ANKRD24: variants seen among roughly 807,000 people sequenced by gnomAD.
ANKRD24 encodes the protein ankyrin repeat domain-containing protein 24.
A neutral mutation model predicts 127.8 loss-of-function variants in ANKRD24; 109 were observed. That is an observed-to-expected ratio of 0.85 (90% confidence interval 0.73 to 1.00). ANKRD24 has a LOEUF of 1.00. Ranked by LOEUF, ANKRD24 falls within the 50% of genes least tolerant of loss-of-function variation. ANKRD24 has a pLI of 0.00. For missense variants in ANKRD24, 1,648 were observed against 1,570.2 expected (o/e 1.05, Z -0.84); for synonymous variants, 743 against 671.1 (o/e 1.11, Z -1.66).
chr19:4,194,519 C>T (rs1339918647), intron 2 of ANKRD24, among the ~76,000 whole-genome samples: 4 of 152,084 alleles, frequency 2.6e-5, no homozygotes, highest in Non-Finnish European at 1.5e-5. Flanking sequence ...CTTTTCTCTC[C>T]CCCCTCCAAC....
At chr19:4,219,099 A>G (rs910632229) in intron 18 of ANKRD24, among the ~76,000 whole-genome samples, 4 of 152,076 alleles carry the variant, frequency 2.6e-5, no homozygotes, top group Admixed American at 6.6e-5. Flanking sequence ...CAGCCTGGAC[A>G]ACATCGTGAA....
chr19:4,205,131 G>A (rs767960948), intron 7 of ANKRD24, among the ~76,000 whole-genome samples: 1 of 152,098 alleles, frequency 6.6e-6, no homozygotes, highest in Non-Finnish European at 1.5e-5. Flanking sequence ...CCAGCTACTC[G>A]GGAGGCTGAG....
At chr19:4,184,292 A>C (rs1461673080) in intron 1 of ANKRD24, among the ~76,000 whole-genome samples, 1 of 152,152 alleles carries the variant, frequency 6.6e-6, no homozygotes, top group Admixed American at 6.5e-5. Context: ...AGCTCGGGGC[A>C]CTGGAGCTGC....
intron 18 of ANKRD24, 116 bp from the exon 19 acceptor site, chr19:4,219,475 T>A: frequency 7.9e-7 from 1 of 1,267,398 alleles, no homozygotes; most frequent in Non-Finnish European, 1.1e-6. Context: ...AGCAAGACCC[T>A]GTCTTAAAAA....
Position 4,218,178 on chromosome 19 carries a change from T to G in ANKRD24, c.3003+15T>G. Reference sequence around the variant, plus strand: ...AGGTCTTCCAGGTGAGCAGGGCTGGTCACCACCCGGGCCCCACCCCCATTG... The same window carrying G: ...AGGTCTTCCAGGTGAGCAGGGCTGGGCACCACCCGGGCCCCACCCCCATTG... On this transcript the variant is annotated intron_variant, in intron 18 of 21. Transcript: ENST00000318934. The G allele has an allele frequency of 1.4e-6, 2 of 1,453,290 alleles. No individual in the cohort carries two copies. The highest frequency in any genetic ancestry group is 1.8e-6 in the Non-Finnish European group (2 of 1,100,286). 90.0% of individuals were successfully genotyped at this position (1,453,290 alleles called of 1,614,324 possible). A position where few individuals can be genotyped will look rare whatever the true frequency, so the allele number is the denominator to read the frequency against.
rs1968686366 is a variant in ANKRD24, at chr19:4,195,677, C to T, written c.37-4006C>T. Among the ~76,000 whole-genome samples, 1 of 152,138 alleles carries T rather than the reference C, an allele frequency of 6.6e-6. No individual in the cohort carries two copies. Among genetic ancestry groups the T allele is most frequent in the African/African-American group, 2.4e-5 (1 of 41,446 alleles). ...CTTTGAGAGGCCAAGGCAGGTGGAT[C>T]ACGAGGTCAGAGTTCAAGACCAGCC... On this transcript the variant is annotated intron_variant, in intron 2 of 21. Coordinates refer to ENST00000318934, the MANE Select transcript of ANKRD24 (RefSeq NM_001393985.1). This position sits in a 1 kb window ranked among gnomAD's most constrained non-coding sequence, Gnocchi z 4.2.
At chr19:4,218,194 A>AC in intron 18 of ANKRD24, 31 bp downstream of exon 18, 7 of 1,414,640 alleles carry the variant, frequency 4.9e-6, no homozygotes, top group Non-Finnish European at 6.5e-6. Context: ...CCCGGGCCCC[A>AC]CCCCCATTGG....
Position 4,210,369 on chromosome 19 carries a change from G to A in ANKRD24, c.1056G>A (p.Gln352=). The A allele has an allele frequency of 6.5e-7, 1 of 1,549,612 alleles. No individual in the cohort carries two copies. Among genetic ancestry groups the A allele is most frequent in the Non-Finnish European group, 8.7e-7 (1 of 1,148,112 alleles). Residue 352 remains glutamine (Q), a synonymous_variant, in exon 13 of 22, where the codon CAG becomes CAA. Coordinates refer to ENST00000318934, the MANE Select transcript of ANKRD24 (RefSeq NM_001393985.1). ...AACAGCACAAGGAACGGAGGCAGCAGGAGGTTAGGAGGCCTCGGAGATTTG... is the reference window on the plus strand; with the variant it reads ...AACAGCACAAGGAACGGAGGCAGCAAGAGGTTAGGAGGCCTCGGAGATTTG... ...GLEQHKERRQ[Q]ESPEASSLHI...
chr19:4,188,955 C>T (rs189332266), intron 2 of ANKRD24, among the ~76,000 whole-genome samples: 80 of 152,102 alleles, frequency 5.3e-4, no homozygotes, highest in African/African-American at 1.9e-3. Context: ...CTACAGGCGC[C>T]TGCCACTATG....
chr19:4,195,002 G>A lies in ANKRD24; in HGVS notation c.37-4681G>A, dbSNP rs919231601. Reference sequence around the variant, plus strand: ...GATTTTTTTCAGATGGAGTCTCGCTGTGTCTCCCAGGCTGGAGTGCAGTGG... The same window carrying A: ...GATTTTTTTCAGATGGAGTCTCGCTATGTCTCCCAGGCTGGAGTGCAGTGG... On this transcript the variant is annotated intron_variant, in intron 2 of 21. Transcript: ENST00000318934. This position sits in a 1 kb window ranked among gnomAD's most constrained non-coding sequence, Gnocchi z 4.2. Among the ~76,000 whole-genome samples, 1 of 151,966 alleles carries A rather than the reference G, an allele frequency of 6.6e-6. No homozygotes were observed. The highest frequency in any genetic ancestry group is 1.5e-5 in the Non-Finnish European group (1 of 67,968).
chr19:4,218,334 G>C (rs1970248661), intron 18 of ANKRD24, among the ~76,000 whole-genome samples, 171 bp downstream of exon 18: 1 of 143,944 alleles, frequency 6.9e-6, no homozygotes, highest in African/African-American at 2.9e-5. Flanking sequence ...AGTTTCACTC[G>C]TGTCGCCCAG....
Position 4,217,363 on chromosome 19 carries a change from G to A in ANKRD24, c.2203G>A (p.Ala735Thr). Residue 735 changes from alanine to threonine, a missense_variant, in exon 18 of 22, where the codon GCT becomes ACT. Ala to Thr is a moderately conservative substitution (Grantham distance 58). Coordinates refer to ENST00000318934, the MANE Select transcript of ANKRD24 (RefSeq NM_001393985.1). ...LETRIRGLEE[A>T]LRQREREAAA... ...GACCAGGATCCGTGGCTTGGAGGAGGCTCTCCGGCAGCGGGAGCGGGAGGC... is the reference window on the plus strand; with the variant it reads ...GACCAGGATCCGTGGCTTGGAGGAGACTCTCCGGCAGCGGGAGCGGGAGGC... 6.4e-7 allele frequency: 1 copy of A among 1,551,166 alleles called. No individual in the cohort carries two copies. The highest frequency in any genetic ancestry group is 8.7e-7 in the Non-Finnish European group (1 of 1,146,990).
At chr19:4,193,870 A>AGGAAGGAAGGAAGGAG (rs1968544774) in intron 2 of ANKRD24, among the ~76,000 whole-genome samples, 1 of 129,020 alleles carries the variant, frequency 7.8e-6, no homozygotes, top group African/African-American at 3.1e-5. Flanking sequence ...GAAGGAAGGA[A>AGGAAGGAAGGAAGGAG]GGAAGGAAGG....
rs776592068 is a variant in ANKRD24 at position 4,219,689 on chromosome 19, G to A, written c.3102G>A (p.Ala1034=). Residue 1034 remains alanine, a synonymous_variant, in exon 19 of 22, where the codon GCG becomes GCA. Transcript: ENST00000318934. ...AGCTACGGGGGCTACGGACCGAGGC[G>A]GAAAGGGCTCGCCAGGCCCAGAGCC... ...EQQLRGLRTE[A]ERARQAQSRA... 1.1e-5 allele frequency: 17 copies of A among 1,613,658 alleles called. No homozygotes were observed. The highest frequency in any genetic ancestry group is 4.4e-5 in the South Asian group (4 of 91,056).
At position 4,197,390 on chromosome 19, in the gene ANKRD24, C is replaced by T. The variant is rs546684880; in HGVS notation, c.37-2293C>T. On this transcript the variant is annotated intron_variant, in intron 2 of 21. Coordinates refer to ENST00000318934, the MANE Select transcript of ANKRD24 (RefSeq NM_001393985.1). ...GGAATGAATGAATGAATGAATGGTG[C>T]GGGAATGAACAAATGAATGAATGGG... Among the ~76,000 whole-genome samples, 9 of 151,168 alleles carry T rather than the reference C, an allele frequency of 6.0e-5. No homozygotes were observed. The South Asian group carries it at 1.7e-3, about 28-fold the overall frequency.
chr19:4,202,016 C>T lies in ANKRD24; in HGVS notation c.344-10C>T, dbSNP rs760061424. 3.8e-5 allele frequency: 62 copies of T among 1,613,620 alleles called. No individual in the cohort carries two copies. The highest frequency in any genetic ancestry group is 5.2e-5 in the Non-Finnish European group (61 of 1,179,726). ...GCTGGAGCTCCAGTAAATCTTCTTT[C>T]CTTCCCCAGGTTACAATGCCCTCCA... is the stretch of plus-strand genomic sequence containing the variant. On this transcript the variant is annotated splice_polypyrimidine_tract_variant and intron_variant, in intron 5 of 21. Transcript: ENST00000318934.
chr19:4,193,336 A>G (rs1309925472), intron 2 of ANKRD24, among the ~76,000 whole-genome samples: 1 of 151,556 alleles, frequency 6.6e-6, no homozygotes, highest in East Asian at 1.9e-4. Context: ...AAGGAAAAAT[A>G]TAGCTAAAGA....
At chr19:4,200,309 G>A in intron 5 of ANKRD24, 138 bp downstream of exon 5, 1 of 948,330 alleles carries the variant, frequency 1.1e-6, no homozygotes, top group Non-Finnish European at 1.5e-6. Context: ...CTCCTCCCCT[G>A]CCCCCAGGGA....
At chr19:4,224,367 A>C in intron 21 of ANKRD24, 61 bp from the exon 22 acceptor site, 1 of 1,561,244 alleles carries the variant, frequency 6.4e-7, no homozygotes, top group Non-Finnish European at 8.7e-7. Flanking sequence ...GGAGTGGTGG[A>C]GGGACTTGGG....
Sources: allele counts gnomAD v4.1 joint callset (sites outside exome capture counted in the v4.1 genomes callset), GRCh38; gene constraint gnomAD v4.1.1; non-coding constraint Gnocchi (gnomAD v3.1); transcripts MANE v1.5; gene names NCBI Gene and HGNC (gene_info 2026-07-23, HGNC 2026-07-21).